The following PANK2 variants were observed in gnomAD, a reference collection of about 807,000 sequenced individuals.
PANK2 encodes pantothenate kinase 2, mitochondrial.
PANK2 carries 36 observed loss-of-function variants against 43.1 expected under a neutral mutation model. The observed-to-expected ratio is 0.84, with a 90% CI of 0.64 to 1.10. The LOEUF (loss-of-function observed/expected upper bound fraction) is 1.10. PANK2 is among the 50% of genes least tolerant of loss of function. The probability of loss-of-function intolerance (pLI) is 0.00; values close to 1 mark genes in which losing one functional copy is unlikely to be tolerated. For missense variants in PANK2, 576 were observed against 593.3 expected (o/e 0.97, Z 0.30); for synonymous variants, 281 against 238.2 (o/e 1.18, Z -1.66).
chr20:3,909,890 C>T (rs1212260155), intron 2 of PANK2, among the ~76,000 whole-genome samples: 2 of 152,162 alleles, frequency 1.3e-5, no homozygotes, highest in Non-Finnish European at 2.9e-5. Context: ...CCGTGCCCGG[C>T]CGATCCTCTT....
At position 3,903,998 on chromosome 20, in the gene PANK2, A is replaced by G. The variant is rs6052160; in HGVS notation, c.299-3928A>G. On this transcript the variant is annotated intron_variant, in intron 1 of 6. Transcript: ENST00000610179. ...CTTTAGTACAATATGATTTCACCAT[A>G]TTGGTCAGGCTGCTCTTGAACTCCT... Among the ~76,000 whole-genome samples the G allele has an allele frequency of 1.3e-3, 190 of 151,696 alleles. 1 individual carries two copies. Among genetic ancestry groups the G allele is most frequent in the African/African-American group, 4.4e-3 (184 of 41,380 alleles).
chr20:3,910,453 A>G, intron 2 of PANK2, 124 bp from the exon 3 acceptor site: 1 of 1,124,342 alleles, frequency 8.9e-7, no homozygotes. Flanking sequence ...AAGCATGCAC[A>G]AATAATACAC....
At position 3,892,205 on chromosome 20, in the gene PANK2, G is replaced by A. The variant is rs113433836; in HGVS notation, c.298+2477G>A. Among the ~76,000 whole-genome samples the A allele has an allele frequency of 5.5e-3, 844 of 152,208 alleles. 7 individuals carry two copies. Among genetic ancestry groups the A allele is most frequent in the African/African-American group, 0.019 (781 of 41,538 alleles). On this transcript the variant is annotated intron_variant, in intron 1 of 6. Coordinates refer to ENST00000610179, the MANE Select transcript of PANK2 (RefSeq NM_001386393.1). ...TAAAAAATACAAAAATTAGCTGGGCGTGGTGGTGCATGCCTGTAATCCCAG... is the reference window on the plus strand; with the variant it reads ...TAAAAAATACAAAAATTAGCTGGGCATGGTGGTGCATGCCTGTAATCCCAG...
At chr20:3,895,903 G>T (rs556959841) in intron 1 of PANK2, among the ~76,000 whole-genome samples, 16 of 152,096 alleles carry the variant, frequency 1.1e-4, no homozygotes, top group Non-Finnish European at 2.9e-5. Context: ...TTGGGAATAA[G>T]AATAATTATT....
upstream of PANK2, chr20:3,888,934 C>A (rs1289094925): frequency 3.4e-6 from 2 of 591,612 alleles, no homozygotes; most frequent in Non-Finnish European, 5.8e-6. Flanking sequence ...CTTTCGTCTG[C>A]CGACGACCAG....
At chr20:3,893,909 G>GT (rs1037817458) in intron 1 of PANK2, among the ~76,000 whole-genome samples, 129 of 132,494 alleles carry the variant, frequency 9.7e-4, no homozygotes, top group South Asian at 1.3e-3. Flanking sequence ...CAAGATGGGA[G>GT]TTTTTTTTTT....
intron 1 of PANK2, 92 bp downstream of exon 1, chr20:3,889,820 G>T (rs1180496521): frequency 7.9e-6 from 12 of 1,522,876 alleles, no homozygotes; most frequent in Non-Finnish European, 1.1e-5. Flanking sequence ...TTTTTCCCGC[G>T]CGCGGACACT....
At position 3,899,703 on chromosome 20, in the gene PANK2, CTTTTTTTTTTT is replaced by C. The variant is rs11469308; in HGVS notation, c.299-8211_299-8201del. ...ATGGCTATTACATTCATCAGTTGTA[CTTTTTTTTTTT>C]TTTTTTTTTTTGAGATGGAGTCTCG... On this transcript the variant is annotated intron_variant, in intron 1 of 6. Transcript: ENST00000610179. 7.9e-5 allele frequency among the ~76,000 whole-genome samples: 7 copies of C among 89,000 alleles called. No individual in the cohort carries two copies. In the South Asian group the frequency reaches 2.2e-3, roughly 28 times the overall value. The allele number at this position is 89,000 out of a possible 152,430, so 58.4% of individuals were successfully genotyped here. A position where few individuals can be genotyped will look rare whatever the true frequency, so the allele number is the denominator to read the frequency against.
chr20:3,913,124 A>G (rs1483588243), intron 4 of PANK2, among the ~76,000 whole-genome samples: 1 of 152,050 alleles, frequency 6.6e-6, no homozygotes, highest in Non-Finnish European at 1.5e-5. Flanking sequence ...TTATCATCCT[A>G]GAAAGAAACC....
At chr20:3,903,160 T>A (rs1377586131) in intron 1 of PANK2, among the ~76,000 whole-genome samples, 2 of 151,872 alleles carry the variant, frequency 1.3e-5, no homozygotes, top group Middle Eastern at 3.4e-3. Flanking sequence ...TTTCCCCCTT[T>A]TTGAGACGGA....
At chr20:3,909,219 T>C (rs901452972) in intron 2 of PANK2, among the ~76,000 whole-genome samples, 1 of 152,208 alleles carries the variant, frequency 6.6e-6, no homozygotes, top group African/African-American at 2.4e-5. Context: ...TAGCTGGGAT[T>C]ACAGGCATGT....
intron 4 of PANK2, 69 bp downstream of exon 4, chr20:3,912,703 A>C: frequency 1.9e-6 from 3 of 1,557,544 alleles, no homozygotes; most frequent in Non-Finnish European, 2.6e-6. Flanking sequence ...TTTAATCCCA[A>C]AACTTTGAGA....
At position 3,897,671 on chromosome 20, in the gene PANK2, G is replaced by T. The variant is rs549150358; in HGVS notation, c.298+7943G>T. Reference sequence around the variant, plus strand: ...CTGGTGATTGTACCACTGTACTCTAGCCTGGATGACAGAGTGAGACTGTGT... The same window carrying T: ...CTGGTGATTGTACCACTGTACTCTATCCTGGATGACAGAGTGAGACTGTGT... On this transcript the variant is annotated intron_variant, in intron 1 of 6. Transcript: ENST00000610179. 4.6e-5 allele frequency among the ~76,000 whole-genome samples: 7 copies of T among 152,068 alleles called. No individual in the cohort carries two copies. In the South Asian group the frequency reaches 1.5e-3, roughly 32 times the overall value.
At chr20:3,896,905 G>T (rs1026091792) in intron 1 of PANK2, among the ~76,000 whole-genome samples, 4 of 152,186 alleles carry the variant, frequency 2.6e-5, no homozygotes, top group Non-Finnish European at 1.5e-5. Flanking sequence ...AACCAAAGAG[G>T]GGTCATGCAA....
chr20:3,918,599 G>T, intron 5 of PANK2, 72 bp from the exon 6 acceptor site: 1 of 1,594,610 alleles, frequency 6.3e-7, no homozygotes, highest in Non-Finnish European at 8.6e-7. Flanking sequence ...ACATGGTGCT[G>T]TATTTGGGGT....
In PANK2 at chr20:3,903,895, G is replaced by C. The variant is rs917397126; in HGVS notation, c.299-4031G>C. 5.3e-5 allele frequency among the ~76,000 whole-genome samples: 8 copies of C among 152,080 alleles called. No individual in the cohort carries two copies. The Admixed American group carries it at 5.3e-4, about 10-fold the overall frequency. The stretch of plus-strand genomic sequence containing the variant: ...GGCCGCTTCAGCCTCCCAAAGTGTT[G>C]GGATTACAGGCGTGAGCCACTGCGC... On this transcript the variant is annotated intron_variant, in intron 1 of 6. Coordinates refer to ENST00000610179, the MANE Select transcript of PANK2 (RefSeq NM_001386393.1).
At chr20:3,907,075 G>GT (rs2090398655) in intron 1 of PANK2, among the ~76,000 whole-genome samples, 1 of 146,516 alleles carries the variant, frequency 6.8e-6, no homozygotes. Flanking sequence ...GATTACAGGC[G>GT]TGAGCCACCG....
chr20:3,914,478 A>G (rs2090527408), intron 4 of PANK2, among the ~76,000 whole-genome samples: 1 of 148,646 alleles, frequency 6.7e-6, no homozygotes, highest in Admixed American at 6.7e-5. Context: ...GCCTTGCCTA[A>G]TTTTTTTTTT....
At chr20:3,915,101 T>C (rs1401210394) in intron 4 of PANK2, among the ~76,000 whole-genome samples, 1 of 152,208 alleles carries the variant, frequency 6.6e-6, no homozygotes, top group East Asian at 1.9e-4. Context: ...TCCTTGATGG[T>C]GTCCTTTGCA....
Sources: allele counts gnomAD v4.1 joint callset (sites outside exome capture counted in the v4.1 genomes callset), GRCh38; gene constraint gnomAD v4.1.1; transcripts MANE v1.5; gene names NCBI Gene and HGNC (gene_info 2026-07-23, HGNC 2026-07-21).